Variants in PSMA8 observed in about 807,000 individuals in gnomAD.
PSMA8 encodes the protein proteasome 20S subunit alpha 8.
In PSMA8, 18 loss-of-function variants were observed where a neutral mutation model predicts 32.4. The ratio of observed to expected loss-of-function variants is 0.56; its 90% CI spans 0.38 to 0.82. The LOEUF (loss-of-function observed/expected upper bound fraction) is 0.82. PSMA8 is among the 40% of genes least tolerant of loss of function. PSMA8 has a pLI of 0.00. For missense variants in PSMA8, 298 were observed against 300.7 expected, an observed-to-expected ratio of 0.99 and a Z score of 0.07; for synonymous variants, 104 against 98.1, an observed-to-expected ratio of 1.06 and a Z score of -0.36.
chr18:26,167,548 C>A (rs983810187), intron 4 of PSMA8, among the ~76,000 whole-genome samples: 17 of 152,134 alleles, frequency 1.1e-4, no homozygotes, highest in African/African-American at 4.1e-4. Flanking sequence ...AAAAATAGGG[C>A]CTGTAGGGAG....
chr18:26,159,401 A>G (rs1397930458), intron 4 of PSMA8, among the ~76,000 whole-genome samples: 3 of 152,166 alleles, frequency 2.0e-5, no homozygotes, highest in Non-Finnish European at 4.4e-5. Context: ...AGTAATCAGA[A>G]GGTATAGATT....
chr18:26,142,645 A>G (rs2054968190), intron 1 of PSMA8, among the ~76,000 whole-genome samples: 1 of 152,222 alleles, frequency 6.6e-6, no homozygotes. Flanking sequence ...CACTTTATAA[A>G]CAACAGAAAT....
At chr18:26,184,392 TGAG>T (rs34915735) in intron 6 of PSMA8, among the ~76,000 whole-genome samples, 24,889 of 150,200 alleles carry the variant, frequency 0.17, 4,132 homozygotes, top group African/African-American at 0.36. Flanking sequence ...CACCAAAATA[TGAG>T]GAGAAGTGAG....
chr18:26,167,705 A>C (rs2055191259), intron 4 of PSMA8, among the ~76,000 whole-genome samples: 1 of 152,256 alleles, frequency 6.6e-6, no homozygotes, highest in Non-Finnish European at 1.5e-5. Flanking sequence ...TTGTGAGGAC[A>C]CAATGAGAAA....
rs537293275 is a variant in PSMA8, at chr18:26,169,626, G to A, written c.478-9204G>A. 3.9e-5 allele frequency among the ~76,000 whole-genome samples: 5 copies of A among 129,210 alleles called. 1 individual carries two copies. The South Asian group carries it at 6.6e-4, about 17-fold the overall frequency. The allele number at this position is 129,210 out of a possible 152,430, so 84.8% of individuals were successfully genotyped here. A position where few individuals can be genotyped will look rare whatever the true frequency, so the allele number is the denominator to read the frequency against. On this transcript the variant is annotated intron_variant, in intron 4 of 6. Transcript: ENST00000415576. ...AGGCTGAGGTGGGTGAATCGCTTGCGGTCACGAGTTCGAGACTAGCCTGAC... is the reference window on the plus strand; with the variant it reads ...AGGCTGAGGTGGGTGAATCGCTTGCAGTCACGAGTTCGAGACTAGCCTGAC...
chr18:26,141,536 T>C (rs1420402270), intron 1 of PSMA8, among the ~76,000 whole-genome samples: 1 of 152,114 alleles, frequency 6.6e-6, no homozygotes, highest in African/African-American at 2.4e-5. Flanking sequence ...TGAGAAGGCA[T>C]ATTCCCTATA....
chr18:26,151,763 A>G, intron 2 of PSMA8, 95 bp from the exon 3 acceptor site: 1 of 1,180,926 alleles, frequency 8.5e-7, no homozygotes, highest in South Asian at 1.9e-5. Context: ...AGGATAAGAA[A>G]GATTTCATTG....
rs956979313 is a variant in PSMA8, at chr18:26,141,021, C to T, written c.103-3538C>T. 2.0e-5 allele frequency among the ~76,000 whole-genome samples: 3 copies of T among 152,204 alleles called. No homozygotes were observed. The South Asian group carries it at 6.2e-4, about 32-fold the overall frequency. On this transcript the variant is annotated intron_variant, in intron 1 of 6. Transcript: ENST00000415576. ...CTTTTAAAATTGTTACTTTTCCACA[C>T]TTGTATGTATTTCTTTCACTCTATC...
intron 1 of PSMA8, among the ~76,000 whole-genome samples, chr18:26,143,218 G>A (rs2054973611): frequency 6.6e-6 from 1 of 152,162 alleles, no homozygotes; most frequent in South Asian, 2.1e-4. Context: ...GAGTTTGTTA[G>A]TTTTCCCCGT....
At chr18:26,174,196 C>T (rs1421744890) in intron 4 of PSMA8, among the ~76,000 whole-genome samples, 1 of 152,114 alleles carries the variant, frequency 6.6e-6, no homozygotes, top group Non-Finnish European at 1.5e-5. Context: ...TTCTAAATGC[C>T]TACTTTGACT....
At chr18:26,180,897 C>G (rs2055305719) in intron 6 of PSMA8, among the ~76,000 whole-genome samples, 1 of 152,206 alleles carries the variant, frequency 6.6e-6, no homozygotes, top group Admixed American at 6.5e-5. Context: ...ATTTGTTTAA[C>G]AACATGACCT....
chr18:26,139,943 T>C, intron 1 of PSMA8: 1 of 647,390 alleles, frequency 1.5e-6, no homozygotes, highest in Non-Finnish European at 2.8e-6. Flanking sequence ...CTTGTTTATC[T>C]CTGTACTCTT....
intron 6 of PSMA8, among the ~76,000 whole-genome samples, chr18:26,187,790 A>C (rs1009179280): frequency 6.6e-6 from 1 of 152,158 alleles, no homozygotes; most frequent in African/African-American, 2.4e-5. Flanking sequence ...TAAAGTAAAC[A>C]TTATTAGAGC....
intron 4 of PSMA8, among the ~76,000 whole-genome samples, chr18:26,160,066 C>T (rs547651337): frequency 1.3e-5 from 2 of 152,252 alleles, no homozygotes; most frequent in East Asian, 3.9e-4. Flanking sequence ...CTTTGGGCAG[C>T]CAAGGCAAAA....
chr18:26,154,043 C>T (rs1280640809), intron 3 of PSMA8, among the ~76,000 whole-genome samples: 3 of 152,042 alleles, frequency 2.0e-5, no homozygotes, highest in Middle Eastern at 3.4e-3. Flanking sequence ...CTGGGATTAC[C>T]GGCACATGCC....
At position 26,179,115 on chromosome 18, in the gene PSMA8, A is replaced by G; in HGVS notation, c.645A>G (p.Arg215=). The G allele has an allele frequency of 6.2e-7, 1 of 1,611,674 alleles. No homozygotes were observed. Among genetic ancestry groups the G allele is most frequent in the Non-Finnish European group, 8.5e-7 (1 of 1,178,538 alleles). Residue 215 remains arginine (R), a synonymous_variant, in exon 6 of 7, where the codon AGA becomes AGG. Transcript: ENST00000415576. The stretch of plus-strand genomic sequence containing the variant: ...ACATTGAACTTGCTATAATAAGAAG[A>G]AATCAACCTTTGAAGGTAAGTCATT... ...GKNIELAIIR[R]NQPLKMFSAK...
chr18:26,154,837 G>A (rs1393383146), intron 3 of PSMA8, among the ~76,000 whole-genome samples: 3 of 151,982 alleles, frequency 2.0e-5, no homozygotes, highest in Non-Finnish European at 4.4e-5. Flanking sequence ...GGATGGTCTC[G>A]ATTTCCTGAC....
intron 6 of PSMA8, among the ~76,000 whole-genome samples, chr18:26,187,407 G>A (rs778648259): frequency 6.6e-6 from 1 of 152,036 alleles, no homozygotes; most frequent in South Asian, 2.1e-4. Context: ...GGGAGACTGA[G>A]GCAGGAGGAT....
In PSMA8 at chr18:26,140,036, C is replaced by T; in HGVS notation, c.103-4523C>T. 3 of 702,560 alleles carry T rather than the reference C, an allele frequency of 4.3e-6. No individual in the cohort carries two copies. The South Asian group carries it at 4.4e-5, about 10-fold the overall frequency. 43.5% of individuals were successfully genotyped at this position (702,560 alleles called of 1,614,324 possible). ...TAGATCTCCATACTTTATTTTCTTC[C>T]TTTGGTAGTATCATGTTTCTCTGAT... is the stretch of plus-strand genomic sequence containing the variant. On this transcript the variant is annotated intron_variant, in intron 1 of 6. Transcript: ENST00000415576.
Sources: gnomAD v4.1 joint callset for allele counts (sites outside exome capture counted in the v4.1 genomes callset) on GRCh38, gnomAD v4.1.1 for gene constraint, MANE v1.5 for transcripts, NCBI Gene and HGNC (gene_info 2026-07-23, HGNC 2026-07-21) for gene names.